CDH18: variants seen among roughly 807,000 people sequenced by gnomAD.
CDH18 encodes cadherin 18.
In CDH18, 31 loss-of-function variants were observed where a neutral mutation model predicts 67.9. The ratio of observed to expected loss-of-function variants is 0.46; its 90% confidence interval spans 0.34 to 0.62. CDH18 has a LOEUF of 0.62. Ranked by LOEUF, CDH18 falls within the 20% of genes least tolerant of loss-of-function variation. The probability of loss-of-function intolerance (pLI) is 0.01; values close to 1 mark genes in which losing one functional copy is unlikely to be tolerated. For synonymous variants in CDH18, 362 were observed against 347.2 expected (o/e 1.04, Z -0.48); for missense variants, 890 against 975.5 (o/e 0.91, Z 1.17).
chr5:20,355,244 C>A (rs111684709), intron 1 of CDH18, among the ~76,000 whole-genome samples: 3,319 of 152,260 alleles, frequency 0.022, 81 homozygotes, highest in African/African-American at 0.056. Context: ...TGAGGGAGGG[C>A]AGTATGGCTC....
intron 1 of CDH18, among the ~76,000 whole-genome samples, chr5:20,537,539 A>T (rs905815012): frequency 3.4e-4 from 52 of 152,210 alleles, no homozygotes; most frequent in Non-Finnish European, 7.1e-4. Context: ...TAATTTTTTT[A>T]AAAGCCTAGA....
chr5:20,152,054 C>G (rs1031254958), intron 2 of CDH18, among the ~76,000 whole-genome samples: 1 of 148,034 alleles, frequency 6.8e-6, no homozygotes, highest in Non-Finnish European at 1.5e-5. Flanking sequence ...TGTTGAGAAC[C>G]TTTTTGGGTA....
chr5:19,589,869 T>A (rs1459018743), intron 7 of CDH18, among the ~76,000 whole-genome samples: 14 of 152,130 alleles, frequency 9.2e-5, no homozygotes, highest in Non-Finnish European at 1.3e-4. Flanking sequence ...CCTTACAGTC[T>A]ATATCTAATT....
In CDH18 at chr5:20,436,286, C is replaced by T. The variant is rs79725110; in HGVS notation, c.-580+139176G>A. On this transcript the variant is annotated intron_variant, in intron 1 of 14. Transcript: ENST00000507958. The stretch of plus-strand genomic sequence containing the variant: ...ATTGTTCCATTCTGTTGTGGGAATC[C>T]GGCTTGCCTTCCCTTCCTGTCCACA... Among the ~76,000 whole-genome samples, 66 of 151,898 alleles carry T rather than the reference C, an allele frequency of 4.3e-4. No individual in the cohort carries two copies. The East Asian group carries it at 0.011, about 25-fold the overall frequency.
intron 10 of CDH18, among the ~76,000 whole-genome samples, chr5:19,505,713 G>T (rs1016791271): frequency 2.0e-5 from 3 of 152,082 alleles, no homozygotes; most frequent in East Asian, 3.9e-4. Flanking sequence ...TGCTGGATTC[G>T]GTTTGCCAGT....
chr5:19,945,609 T>C (rs74681916), intron 2 of CDH18, among the ~76,000 whole-genome samples: 32 of 152,196 alleles, frequency 2.1e-4, no homozygotes, highest in Non-Finnish European at 4.1e-4. Flanking sequence ...AAATGTTTCA[T>C]CAATCCATTA....
intron 2 of CDH18, among the ~76,000 whole-genome samples, chr5:19,844,056 G>A (rs912189118): frequency 6.6e-6 from 1 of 152,164 alleles, no homozygotes; most frequent in Non-Finnish European, 1.5e-5. Flanking sequence ...CTCCTAGGTG[G>A]GAGTGACTTG....
intron 2 of CDH18, among the ~76,000 whole-genome samples, chr5:19,978,677 T>C (rs778681262): frequency 3.3e-5 from 5 of 152,158 alleles, no homozygotes; most frequent in Non-Finnish European, 7.4e-5. Flanking sequence ...TCTTTTCCAG[T>C]TTCTGGATGC....
intron 2 of CDH18, among the ~76,000 whole-genome samples, chr5:19,914,522 A>T (rs1791536245): frequency 6.6e-6 from 1 of 152,096 alleles, no homozygotes; most frequent in Non-Finnish European, 1.5e-5. Flanking sequence ...ATACATACTT[A>T]TATTGTACAT....
intron 5 of CDH18, among the ~76,000 whole-genome samples, chr5:19,719,549 T>C (rs897700599): frequency 2.6e-5 from 4 of 152,000 alleles, no homozygotes; most frequent in African/African-American, 9.7e-5. Flanking sequence ...TGAATAATAA[T>C]GTGTAATCAT....
At chr5:19,958,897 G>T (rs2150293523) in intron 2 of CDH18, among the ~76,000 whole-genome samples, 1 of 152,126 alleles carries the variant, frequency 6.6e-6, no homozygotes, top group East Asian at 1.9e-4. Flanking sequence ...GGTGACAGTG[G>T]CCTTGAAGAA....
At chr5:20,238,843 T>C (rs1742669725) in intron 2 of CDH18, among the ~76,000 whole-genome samples, 1 of 152,082 alleles carries the variant, frequency 6.6e-6, no homozygotes, top group Non-Finnish European at 1.5e-5. Flanking sequence ...ATTAAACATA[T>C]AAAGGCTATG....
intron 1 of CDH18, among the ~76,000 whole-genome samples, chr5:20,507,419 G>T (rs1754724720): frequency 6.6e-6 from 1 of 152,164 alleles, no homozygotes; most frequent in Non-Finnish European, 1.5e-5. Context: ...TATTGATAGA[G>T]ATTCACTGGA....
intron 3 of CDH18, among the ~76,000 whole-genome samples, chr5:19,759,645 G>A (rs1051811779): frequency 2.6e-5 from 4 of 152,116 alleles, no homozygotes; most frequent in Admixed American, 1.3e-4. Flanking sequence ...GTGTCCCTTG[G>A]AATCAACGTC....
chr5:20,436,668 GCATACACATATATA>G lies in CDH18; in HGVS notation c.-580+138780_-580+138793del, dbSNP rs531190608. 5.3e-5 allele frequency among the ~76,000 whole-genome samples: 8 copies of G among 151,010 alleles called. No individual in the cohort carries two copies. The South Asian group carries it at 1.5e-3, about 28-fold the overall frequency. On this transcript the variant is annotated intron_variant, in intron 1 of 14. Transcript: ENST00000507958. ...AATACATACATATTTAGACCCATAT[GCATACACATATATA>G]CATACACATATATATTTTTGATACA...
chr5:19,697,340 T>C (rs1762660410), intron 5 of CDH18, among the ~76,000 whole-genome samples: 2 of 152,322 alleles, frequency 1.3e-5, no homozygotes, highest in East Asian at 1.9e-4. Context: ...ATATTTAATA[T>C]AGCTCATATA....
intron 5 of CDH18, among the ~76,000 whole-genome samples, chr5:19,613,094 G>A (rs1749262916): frequency 6.6e-6 from 1 of 152,098 alleles, no homozygotes; most frequent in African/African-American, 2.4e-5. Flanking sequence ...GCAGTGAGCG[G>A]AGATCACGCC....
chr5:20,477,876 A>C (rs1348093096), intron 1 of CDH18, among the ~76,000 whole-genome samples: 1 of 152,126 alleles, frequency 6.6e-6, no homozygotes, highest in African/African-American at 2.4e-5. Flanking sequence ...GAGAGGACAG[A>C]TTAAGAAGAA....
intron 1 of CDH18, among the ~76,000 whole-genome samples, chr5:20,566,793 G>A: frequency 6.6e-6 from 1 of 152,014 alleles, no homozygotes; most frequent in East Asian, 1.9e-4. Flanking sequence ...TTATAGTCTT[G>A]TAATCACCAT....
Sources: gnomAD v4.1 joint callset for allele counts (sites outside exome capture counted in the v4.1 genomes callset) on GRCh38, gnomAD v4.1.1 for gene constraint, MANE v1.5 for transcripts, NCBI Gene and HGNC (gene_info 2026-07-23, HGNC 2026-07-21) for gene names.